The following CFAP210 variants were observed in gnomAD, a reference collection of about 807,000 sequenced individuals.
CFAP210 encodes cilia- and flagella- associated protein 210.
chr2:169,647,555 T>C, the CFAP210 span, among the ~76,000 whole-genome samples: 2 of 117,548 alleles, frequency 1.7e-5, no homozygotes, highest in Non-Finnish European at 3.7e-5. Context: ...AAATCAAGTA[T>C]TCTGTTTTTT....
chr2:169,691,378 C>T, the CFAP210 span, among the ~76,000 whole-genome samples: 9 of 152,088 alleles, frequency 5.9e-5, no homozygotes, highest in Non-Finnish European at 1.3e-4. Flanking sequence ...TTTACAATAG[C>T]TATAAATTTA....
the CFAP210 span, among the ~76,000 whole-genome samples, chr2:169,685,004 C>T: frequency 6.6e-6 from 1 of 152,126 alleles, no homozygotes. Context: ...AGAAGTAGCA[C>T]ATTTTGTTTA....
chr2:169,667,151 T>TA, the CFAP210 span, among the ~76,000 whole-genome samples: 28 of 151,582 alleles, frequency 1.8e-4, no homozygotes, highest in East Asian at 5.4e-3. Context: ...TCTTTTTTTT[T>TA]TTTTTTGATG....
the CFAP210 span, among the ~76,000 whole-genome samples, chr2:169,684,192 TAGGC>T: frequency 6.6e-6 from 1 of 151,878 alleles, no homozygotes; most frequent in African/African-American, 2.4e-5. Context: ...AGAATATAAA[TAGGC>T]AGACTCGCAA....
the CFAP210 span, among the ~76,000 whole-genome samples, chr2:169,665,687 T>C: frequency 2.0e-5 from 3 of 152,168 alleles, no homozygotes; most frequent in Admixed American, 1.3e-4. Flanking sequence ...GGAGGTTTTA[T>C]AGGATAGTGT....
chr2:169,674,640 C>A, the CFAP210 span: 1 of 1,607,964 alleles, frequency 6.2e-7, no homozygotes, highest in South Asian at 1.1e-5. Flanking sequence ...TTTTCTTGTT[C>A]TTCTTTAAAA....
the CFAP210 span, among the ~76,000 whole-genome samples, chr2:169,667,593 C>A: frequency 6.6e-6 from 1 of 152,120 alleles, no homozygotes; most frequent in African/African-American, 2.4e-5. Flanking sequence ...TAAATTACTC[C>A]TTGATCCATG....
At chr2:169,674,325 T>A in the CFAP210 span, among the ~76,000 whole-genome samples, 1 of 152,174 alleles carries the variant, frequency 6.6e-6, no homozygotes, top group African/African-American at 2.4e-5. Context: ...AACCCCCAGA[T>A]GCATGAGAAG....
the CFAP210 span, among the ~76,000 whole-genome samples, chr2:169,679,199 T>C: frequency 6.6e-6 from 1 of 152,216 alleles, no homozygotes; most frequent in African/African-American, 2.4e-5. Flanking sequence ...CATAGACCTA[T>C]ACAGGAAACC....
At chr2:169,669,521 T>G in the CFAP210 span, among the ~76,000 whole-genome samples, 2 of 152,132 alleles carry the variant, frequency 1.3e-5, no homozygotes, top group Non-Finnish European at 2.9e-5. Context: ...CAACAACCCA[T>G]GTGAATACAT....
the CFAP210 span, among the ~76,000 whole-genome samples, chr2:169,674,378 T>C: frequency 6.6e-6 from 1 of 152,200 alleles, no homozygotes; most frequent in Non-Finnish European, 1.5e-5. Context: ...TGTGGTTGTG[T>C]ATTATGTTGC....
At chr2:169,660,631 T>C in the CFAP210 span, among the ~76,000 whole-genome samples, 1 of 150,326 alleles carries the variant, frequency 6.7e-6, no homozygotes, top group African/African-American at 2.4e-5. Context: ...TGAGACAGAG[T>C]CTTGCTCTAT....
chr2:169,663,794 A>T, the CFAP210 span, among the ~76,000 whole-genome samples: 1 of 123,016 alleles, frequency 8.1e-6, no homozygotes, highest in Non-Finnish European at 1.9e-5. Context: ...TAAAAATAAT[A>T]ATAAAAAAAA....
chr2:169,675,035 C>G, the CFAP210 span: 2 of 1,498,982 alleles, frequency 1.3e-6, no homozygotes, highest in East Asian at 2.5e-5. Flanking sequence ...TCTGTTCTTT[C>G]ATCCCCTGTA....
the CFAP210 span, chr2:169,645,999 G>A: frequency 1.7e-3 from 2,758 of 1,613,854 alleles, 47 homozygotes; most frequent in African/African-American, 0.033. Flanking sequence ...CCACCTCCAG[G>A]TCCTTCCTGT....
chr2:169,684,151 A>C, the CFAP210 span, among the ~76,000 whole-genome samples: 1 of 152,106 alleles, frequency 6.6e-6, no homozygotes, highest in Non-Finnish European at 1.5e-5. Context: ...GAATGAAGGG[A>C]CATGAAAGAC....
chr2:169,694,400 T>C, the CFAP210 span: 5 of 1,450,856 alleles, frequency 3.4e-6, no homozygotes, highest in African/African-American at 2.8e-5. Flanking sequence ...TTGTTACTCG[T>C]ACCACGCGGT....
chr2:169,654,516 AATAAT>A, the CFAP210 span, among the ~76,000 whole-genome samples: 1,758 of 152,314 alleles, frequency 0.012, 38 homozygotes, highest in African/African-American at 0.039. Context: ...ATGTGATTCA[AATAAT>A]ATAATCAATA....
chr2:169,669,620 G>C, the CFAP210 span, among the ~76,000 whole-genome samples: 1 of 152,074 alleles, frequency 6.6e-6, no homozygotes, highest in East Asian at 1.9e-4. Context: ...ATCTGATGTG[G>C]AAGATAAAGG....
Sources: allele counts gnomAD v4.1 joint callset (sites outside exome capture counted in the v4.1 genomes callset), GRCh38; gene constraint gnomAD v4.1.1; transcripts MANE v1.5; gene names NCBI Gene and HGNC (gene_info 2026-07-23, HGNC 2026-07-21).